Variants in TMPRSS15 observed in about 807,000 individuals in gnomAD.
TMPRSS15 encodes enteropeptidase.
Under a neutral mutation model 125.3 loss-of-function variants are expected in TMPRSS15, and 128 were observed. That is an observed-to-expected ratio of 1.02 (90% CI 0.89 to 1.18). The LOEUF is 1.18. TMPRSS15 is among the 50% of genes most tolerant of loss of function. The pLI, the probability that TMPRSS15 is intolerant of heterozygous loss-of-function variation, is 0.00. For missense variants in TMPRSS15, 1,283 were observed against 1,212.7 expected, an observed-to-expected ratio of 1.06 and a Z score of -0.86; for synonymous variants, 446 against 423.2, an observed-to-expected ratio of 1.05 and a Z score of -0.66.
intron 1 of TMPRSS15, among the ~76,000 whole-genome samples, chr21:18,437,419 G>A (rs1334177202): frequency 6.6e-6 from 1 of 152,082 alleles, no homozygotes; most frequent in African/African-American, 2.4e-5. Flanking sequence ...GCATGGGCAA[G>A]GACTTCATGT....
intron 10 of TMPRSS15, among the ~76,000 whole-genome samples, chr21:18,352,457 C>T (rs999754104): frequency 6.6e-6 from 1 of 151,978 alleles, no homozygotes; most frequent in Non-Finnish European, 1.5e-5. Context: ...TCGGAGATAA[C>T]AAACAAATTC....
chr21:18,393,792 G>A (rs1372663484), intron 3 of TMPRSS15, among the ~76,000 whole-genome samples: 1 of 152,016 alleles, frequency 6.6e-6, no homozygotes, highest in Admixed American at 6.6e-5. Flanking sequence ...TAACCCAAAG[G>A]TGCCCTTTGT....
chr21:18,396,773 CA>C (rs766409350), intron 3 of TMPRSS15, among the ~76,000 whole-genome samples: 1,088 of 47,646 alleles, frequency 0.023, 17 homozygotes, highest in African/African-American at 0.045. Flanking sequence ...GACTCTGTCT[CA>C]AAAAAAAAAA....
In TMPRSS15 at chr21:18,380,650, T is replaced by C. The variant is rs2075884969; in HGVS notation, c.497-1332A>G. 14 of 461,424 alleles carry C rather than the reference T, an allele frequency of 3.0e-5. No individual in the cohort carries two copies. The Admixed American group carries it at 3.3e-4, about 11-fold the overall frequency. 28.6% of individuals were successfully genotyped at this position (461,424 alleles called of 1,614,324 possible). A position where few individuals can be genotyped will look rare whatever the true frequency, so the allele number is the denominator to read the frequency against. On this transcript the variant is annotated intron_variant, in intron 4 of 24. Transcript: ENST00000284885. ...TATAAATACATTACAAAACATTGAG[T>C]ACACCTTGAATATTCATTCAAAGGG... is the stretch of plus-strand genomic sequence containing the variant.
intron 1 of TMPRSS15, among the ~76,000 whole-genome samples, chr21:18,430,714 T>C (rs1384820312): frequency 6.6e-6 from 1 of 152,174 alleles, no homozygotes; most frequent in Non-Finnish European, 1.5e-5. Flanking sequence ...TCCAATCATT[T>C]CCGGATACAA....
intron 3 of TMPRSS15, among the ~76,000 whole-genome samples, chr21:18,388,434 A>C (rs947496623): frequency 6.6e-6 from 1 of 152,128 alleles, no homozygotes; most frequent in Non-Finnish European, 1.5e-5. Context: ...CTATATATAA[A>C]AGTCTATATT....
At chr21:18,452,698 A>G (rs945037643) in intron 1 of TMPRSS15, among the ~76,000 whole-genome samples, 2 of 152,190 alleles carry the variant, frequency 1.3e-5, no homozygotes, top group Non-Finnish European at 2.9e-5. Context: ...GGAATGTTAC[A>G]AACTGAATAG....
At chr21:18,323,821 G>A (rs946232783) in intron 16 of TMPRSS15, among the ~76,000 whole-genome samples, 2 of 151,958 alleles carry the variant, frequency 1.3e-5, no homozygotes, top group African/African-American at 4.8e-5. Flanking sequence ...ATGATATTTT[G>A]CAGAAGAGAG....
chr21:18,397,916 T>A lies in TMPRSS15; in HGVS notation c.307A>T (p.Lys103Ter). 6.4e-7 allele frequency: 1 copy of A among 1,552,276 alleles called. No individual in the cohort carries two copies. Among genetic ancestry groups the A allele is most frequent in the Non-Finnish European group, 8.8e-7 (1 of 1,133,586 alleles). The change falls in exon 3 of 25, where the codon AAG becomes TAG. Residue 103 changes from lysine to a stop codon, truncating the protein, a stop_gained. Coordinates refer to ENST00000284885, the MANE Select transcript of TMPRSS15 (RefSeq NM_002772.3). LOFTEE classifies it high-confidence loss of function. ...IDEIFLSSNL[K>*]NEYKNSRVLQ... ...ACTCTTGAGTTCTTATATTCATTCT[T>A]CAGATTGCTTGATAGAAAGATCTCA...
At chr21:18,336,817 T>C (rs904591085) in intron 13 of TMPRSS15, among the ~76,000 whole-genome samples, 3 of 152,172 alleles carry the variant, frequency 2.0e-5, no homozygotes, top group Admixed American at 2.0e-4. Context: ...ACAACAGGTA[T>C]GTGCCACTGT....
At chr21:18,348,701 A>C (rs1040787645) in intron 10 of TMPRSS15, among the ~76,000 whole-genome samples, 1 of 152,210 alleles carries the variant, frequency 6.6e-6, no homozygotes, top group African/African-American at 2.4e-5. Flanking sequence ...AAGTTAAATG[A>C]AGATATCTGA....
At chr21:18,323,704 A>G (rs1270389182) in intron 16 of TMPRSS15, among the ~76,000 whole-genome samples, 11 of 152,218 alleles carry the variant, frequency 7.2e-5, no homozygotes, top group Non-Finnish European at 1.6e-4. Flanking sequence ...CTTTAAAAGT[A>G]TAATACTTCT....
At chr21:18,381,000 G>A (rs966508041) in intron 4 of TMPRSS15, among the ~76,000 whole-genome samples, 2 of 151,974 alleles carry the variant, frequency 1.3e-5, no homozygotes, top group Non-Finnish European at 2.9e-5. Context: ...ATATTTCCTT[G>A]GAACTAAGTG....
intron 3 of TMPRSS15, among the ~76,000 whole-genome samples, chr21:18,384,212 A>G (rs1370638811): frequency 6.6e-6 from 1 of 152,172 alleles, no homozygotes; most frequent in Non-Finnish European, 1.5e-5. Flanking sequence ...ACTGGTTTCA[A>G]AGAAAATTTT....
intron 1 of TMPRSS15, among the ~76,000 whole-genome samples, chr21:18,481,506 G>A (rs565724525): frequency 4.3e-4 from 66 of 151,754 alleles, no homozygotes; most frequent in Non-Finnish European, 7.7e-4. Flanking sequence ...GCTGATGCAT[G>A]CTTGATGTCA....
intron 1 of TMPRSS15, among the ~76,000 whole-genome samples, chr21:18,409,858 TTCCC>T (rs938427907): frequency 6.4e-5 from 5 of 77,666 alleles, no homozygotes; most frequent in African/African-American, 1.1e-4. Flanking sequence ...CCTTCCTTCC[TTCCC>T]TCCCTCCCTC....
At chr21:18,485,533 T>C (rs1979062778) in intron 1 of TMPRSS15, among the ~76,000 whole-genome samples, 1 of 152,054 alleles carries the variant, frequency 6.6e-6, no homozygotes, top group Non-Finnish European at 1.5e-5. Flanking sequence ...GTTTTGGTTG[T>C]TTCTAATCAT....
At chr21:18,302,626 C>A (rs1352219354) in intron 18 of TMPRSS15, among the ~76,000 whole-genome samples, 1 of 152,124 alleles carries the variant, frequency 6.6e-6, no homozygotes, top group East Asian at 1.9e-4. Flanking sequence ...TTATCTTAAC[C>A]TAATCAATTT....
intron 13 of TMPRSS15, among the ~76,000 whole-genome samples, chr21:18,336,443 T>G (rs2075393975): frequency 6.6e-6 from 1 of 152,166 alleles, no homozygotes; most frequent in African/African-American, 2.4e-5. Flanking sequence ...TTTTAAAAGT[T>G]TAGGTTGTAA....
Sources: allele counts gnomAD v4.1 joint callset (sites outside exome capture counted in the v4.1 genomes callset), GRCh38; gene constraint gnomAD v4.1.1; transcripts MANE v1.5; gene names NCBI Gene and HGNC (gene_info 2026-07-23, HGNC 2026-07-21).